Variants in MTERF4 observed in about 807,000 individuals in gnomAD.
MTERF4 encodes mitochondrial transcription termination factor 4, also known as transcription termination factor 4, mitochondrial.
MTERF4 carries 17 observed loss-of-function variants against 22.5 expected under a neutral mutation model. That is an observed-to-expected ratio of 0.75 (90% CI 0.52 to 1.13). The LOEUF is 1.13. Ranked by LOEUF, MTERF4 falls within the 50% of genes most tolerant of loss-of-function variation. The pLI, the probability that MTERF4 is intolerant of heterozygous loss-of-function variation, is 0.00. For synonymous variants in MTERF4, 165 were observed against 175.3 expected (o/e 0.94, Z 0.47); for missense variants, 420 against 466.8 (o/e 0.90, Z 0.92).
In MTERF4 at chr2:241,100,031, C is replaced by T. The variant is rs1048361454; in HGVS notation, c.22-137G>A. 4.6e-6 allele frequency: 5 copies of T among 1,078,556 alleles called. No homozygotes were observed. The African/African-American group carries it at 6.4e-5, about 14-fold the overall frequency. The allele number at this position is 1,078,556 out of a possible 1,614,324, so 66.8% of individuals were successfully genotyped here. ...ATTTTTATAAGCAATCTGCAAAATC[C>T]TATCTGAACTTAAGCCTACAGAGAA... On this transcript the variant is annotated intron_variant, in intron 1 of 3. Transcript: ENST00000391980.
At chr2:241,063,241 C>T in the MTERF4 span, 4 of 479,278 alleles carry the variant, frequency 8.3e-6, no homozygotes, top group Non-Finnish European at 1.5e-5. Flanking sequence ...GAGCCCTGCA[C>T]ACTCTTGTAC....
the MTERF4 span, chr2:241,063,813 C>A: frequency 4.5e-6 from 4 of 879,282 alleles, no homozygotes; most frequent in South Asian, 1.7e-5. Context: ...GGGAGAGGGA[C>A]CCCCAGGGCT....
the MTERF4 span, among the ~76,000 whole-genome samples, chr2:241,046,259 G>C: frequency 6.6e-6 from 1 of 152,160 alleles, no homozygotes; most frequent in African/African-American, 2.4e-5. Context: ...TTTTTTATAA[G>C]GTTAAGTATA....
chr2:241,076,442 T>C (rs2063023952), intron 4 of MTERF4, among the ~76,000 whole-genome samples: 1 of 152,260 alleles, frequency 6.6e-6, no homozygotes, highest in South Asian at 2.1e-4. Context: ...TACTGGAGTA[T>C]AGATATTTAT....
the MTERF4 span, chr2:241,049,086 C>A: frequency 6.2e-7 from 1 of 1,613,164 alleles, no homozygotes; most frequent in Middle Eastern, 1.7e-4. Context: ...GCATGGAGCA[C>A]GGCGGGAGCT....
chr2:241,049,244 C>G, the MTERF4 span: 1 of 780,732 alleles, frequency 1.3e-6, no homozygotes, highest in African/African-American at 1.7e-5. Flanking sequence ...CCTTCTGACT[C>G]TCGGGAGAGC....
At chr2:241,064,190 GCTGCCCGCCCT>G in the MTERF4 span, 7 of 1,153,810 alleles carry the variant, frequency 6.1e-6, no homozygotes, top group African/African-American at 3.3e-5. This position sits in a 1 kb window ranked among gnomAD's most constrained non-coding sequence, Gnocchi z 7.0. Flanking sequence ...CTGCCCGCCT[GCTGCCCGCCCT>G]CTGCCCGCCT....
the MTERF4 span, among the ~76,000 whole-genome samples, chr2:241,059,152 G>A: frequency 6.6e-6 from 1 of 152,144 alleles, no homozygotes. Context: ...TGACAACTTA[G>A]GGGAAATGGA....
the MTERF4 span, chr2:241,052,405 G>T: frequency 1.2e-6 from 2 of 1,602,450 alleles, no homozygotes; most frequent in Non-Finnish European, 1.7e-6. Flanking sequence ...CACCTGCGAG[G>T]ACCGGGACAC....
chr2:241,048,624 G>T, the MTERF4 span: 3 of 1,558,208 alleles, frequency 1.9e-6, no homozygotes, highest in Admixed American at 1.9e-5. Context: ...ATCTTTCTGC[G>T]CCCCCACATG....
chr2:241,087,377 T>C, downstream of MTERF4: 1 of 1,583,748 alleles, frequency 6.3e-7, no homozygotes, highest in African/African-American at 1.3e-5. Flanking sequence ...TTACAAAGCT[T>C]TCTTGTGACA....
At position 241,096,714 on chromosome 2, in the gene MTERF4, C is replaced by T; in HGVS notation, c.706-276G>A. 1.6e-6 allele frequency: 1 copy of T among 633,234 alleles called. No homozygotes were observed. The highest frequency in any genetic ancestry group is 1.6e-5 in the South Asian group (1 of 62,092). 39.2% of individuals were successfully genotyped at this position (633,234 alleles called of 1,614,324 possible). On this transcript the variant is annotated intron_variant, in intron 3 of 3. Transcript: ENST00000391980. This position sits in a 1 kb window ranked among gnomAD's most constrained non-coding sequence, Gnocchi z 5.1. ...GGCAGAAGGAAGAGGTGGTATTTTTCTTTAAATGGGGAAGGAAAAGGATGA... is the reference window on the plus strand; with the variant it reads ...GGCAGAAGGAAGAGGTGGTATTTTTTTTTAAATGGGGAAGGAAAAGGATGA...
chr2:241,063,725 C>CT, the MTERF4 span: 2 of 1,471,700 alleles, frequency 1.4e-6, no homozygotes, highest in Non-Finnish European at 1.9e-6. Context: ...CAGTGGGCCC[C>CT]ACATGCAGAG....
chr2:241,061,615 G>A, the MTERF4 span, among the ~76,000 whole-genome samples: 12 of 152,134 alleles, frequency 7.9e-5, no homozygotes, highest in African/African-American at 1.9e-4. Context: ...TAGGCTGGGC[G>A]TAGACTCATG....
At chr2:241,094,639 G>C (rs552182203), downstream of MTERF4, 141 of 339,710 alleles carry the variant, frequency 4.2e-4, no homozygotes, top group Non-Finnish European at 6.9e-4. The surrounding 1 kb of genome is among the most constrained non-coding windows in gnomAD (Gnocchi z 4.3). Context: ...TACTGTTGTG[G>C]ACCAGGCCTT....
the MTERF4 span, chr2:241,049,939 G>A: frequency 6.2e-7 from 1 of 1,607,754 alleles, no homozygotes; most frequent in Admixed American, 1.7e-5. Context: ...GAAAGGTATG[G>A]CGGGCAGGGG....
the MTERF4 span, chr2:241,048,718 A>T: frequency 6.2e-7 from 1 of 1,612,378 alleles, no homozygotes; most frequent in African/African-American, 1.3e-5. Flanking sequence ...CGCCAACACC[A>T]CCCTCTGCCA....
In MTERF4 at chr2:241,096,438, A is replaced by G. The variant is rs763752410; in HGVS notation, c.706T>C (p.Tyr236His). 6.2e-7 allele frequency: 1 copy of G among 1,613,646 alleles called. No homozygotes were observed. Among genetic ancestry groups the G allele is most frequent in the South Asian group, 1.1e-5 (1 of 91,078 alleles). Residue 236 changes from tyrosine to histidine, a missense_variant and splice_region_variant, in exon 4 of 4, where the codon TAT becomes CAT. By Grantham distance (83) the Tyr-to-His change is moderately conservative (BLOSUM62 2). Coordinates refer to ENST00000391980, the MANE Select transcript of MTERF4 (RefSeq NM_182501.4). The surrounding 1 kb of genome is among the most constrained non-coding windows in gnomAD (Gnocchi z 5.1). ...DLGQLEYKFQ[Y>H]AYFRMGIKHP... ...TTAATTCCCATCCTGAAGTATGCAT[A>G]CTGGAAGACACAAACACACTTAGGA...
At chr2:241,070,688 C>T (rs62187370), downstream of MTERF4, among the ~76,000 whole-genome samples, 25,757 of 152,190 alleles carry the variant, frequency 0.17, 2,228 homozygotes, top group East Asian at 0.28. Flanking sequence ...GACAGATGCT[C>T]CGAAGGGCTC....
Sources: allele counts gnomAD v4.1 joint callset (sites outside exome capture counted in the v4.1 genomes callset), GRCh38; gene constraint gnomAD v4.1.1; non-coding constraint Gnocchi (gnomAD v3.1); transcripts MANE v1.5; gene names NCBI Gene and HGNC (gene_info 2026-07-23, HGNC 2026-07-21).